Variants in TAMM41 observed in about 807,000 individuals in gnomAD.
TAMM41 encodes the protein TAM41 mitochondrial translocator assembly and maintenance homolog, also known as phosphatidate cytidylyltransferase, mitochondrial.
In TAMM41, 36 loss-of-function variants were observed where a neutral mutation model predicts 44.1. That is an observed-to-expected ratio of 0.82 (90% CI 0.63 to 1.08). TAMM41 has a LOEUF of 1.08. Among genes scored for constraint, TAMM41 ranks in the 50% least tolerant of loss-of-function variants. The pLI, the probability that TAMM41 is intolerant of heterozygous loss-of-function variation, is 0.00. For synonymous variants in TAMM41, 164 were observed against 153.1 expected (o/e 1.07, Z -0.53); for missense variants, 417 against 404.3 (o/e 1.03, Z -0.27).
chr3:11,823,646 T>C (rs2078618515), intron 4 of TAMM41, among the ~76,000 whole-genome samples: 2 of 150,380 alleles, frequency 1.3e-5, no homozygotes, highest in African/African-American at 2.4e-5. Flanking sequence ...TCCATTTTGT[T>C]AGCTGCCTTT....
intron 7 of TAMM41, among the ~76,000 whole-genome samples, chr3:11,803,499 A>C (rs900828704): frequency 1.3e-5 from 2 of 152,216 alleles, no homozygotes; most frequent in African/African-American, 4.8e-5. Context: ...TATGGGAAAC[A>C]GTATGGAGAT....
intron 6 of TAMM41, 23 bp downstream of exon 6, chr3:11,809,494 C>T (rs539502879): frequency 1.2e-6 from 2 of 1,611,290 alleles, no homozygotes; most frequent in African/African-American, 2.7e-5. Context: ...GGCATTTCCT[C>T]AACATCAAAT....
At chr3:11,752,796 A>G in the TAMM41 span, among the ~76,000 whole-genome samples, 1 of 151,810 alleles carries the variant, frequency 6.6e-6, no homozygotes, top group African/African-American at 2.4e-5. Flanking sequence ...CTATAGGCGC[A>G]TGCCACCATG....
intron 4 of TAMM41, among the ~76,000 whole-genome samples, chr3:11,818,894 T>G (rs1437795457): frequency 3.1e-5 from 4 of 128,880 alleles, no homozygotes; most frequent in African/African-American, 1.4e-4. Context: ...CAAGACTCCA[T>G]CTCAAAAAAA....
At position 11,833,918 on chromosome 3, in the gene TAMM41, T is replaced by C. The variant is rs527256414; in HGVS notation, c.412-4054A>G. Among the ~76,000 whole-genome samples the C allele has an allele frequency of 2.0e-5, 3 of 152,282 alleles. No individual in the cohort carries two copies. The East Asian group carries it at 5.8e-4, about 29-fold the overall frequency. The stretch of plus-strand genomic sequence containing the variant: ...GTACTCTTTAAATGGTTGAGCTGTG[T>C]GGTATGCGAATTTTATCTCAATAAA... On this transcript the variant is annotated intron_variant, in intron 3 of 7. Coordinates refer to ENST00000455809, the MANE Select transcript of TAMM41 (RefSeq NM_001284401.2).
chr3:11,798,641 C>T (rs1199305677), intron 7 of TAMM41, among the ~76,000 whole-genome samples: 1 of 151,940 alleles, frequency 6.6e-6, no homozygotes, highest in Non-Finnish European at 1.5e-5. Flanking sequence ...GCACATGTAC[C>T]CCAAACTTAA....
chr3:11,817,955 A>G (rs772111744), intron 4 of TAMM41, among the ~76,000 whole-genome samples: 1 of 152,244 alleles, frequency 6.6e-6, no homozygotes, highest in Non-Finnish European at 1.5e-5. Flanking sequence ...GAGCTGAAAA[A>G]CACCTAATTC....
the TAMM41 span, among the ~76,000 whole-genome samples, chr3:11,755,597 G>A: frequency 6.6e-6 from 1 of 152,152 alleles, no homozygotes; most frequent in Non-Finnish European, 1.5e-5. Flanking sequence ...GGGCGGGGAT[G>A]TCCAGCTTGA....
intron 3 of TAMM41, among the ~76,000 whole-genome samples, chr3:11,838,403 A>G (rs1383707360): frequency 2.0e-5 from 3 of 152,132 alleles, no homozygotes; most frequent in African/African-American, 7.2e-5. Context: ...TTTTTAGTAG[A>G]GACGGGGTTT....
At chr3:11,749,689 C>T in the TAMM41 span, among the ~76,000 whole-genome samples, 2 of 152,156 alleles carry the variant, frequency 1.3e-5, no homozygotes, top group Non-Finnish European at 2.9e-5. Flanking sequence ...AGATGCAGGA[C>T]ACCCAGATAT....
the TAMM41 span, among the ~76,000 whole-genome samples, chr3:11,742,113 T>G: frequency 2.0e-5 from 3 of 150,158 alleles, no homozygotes; most frequent in Non-Finnish European, 4.4e-5. Context: ...TAAGAGTGCA[T>G]GTGTGTATTT....
rs1425606493 is a variant in TAMM41, at chr3:11,846,694, A to C, written c.-58T>G. The C allele has an allele frequency of 6.2e-7, 1 of 1,610,672 alleles. No homozygotes were observed. The highest frequency in any genetic ancestry group is 1.3e-5 in the African/African-American group (1 of 74,870). On this transcript the variant is annotated 5_prime_UTR_variant, in exon 1 of 8. Transcript: ENST00000455809. ...GCAGGGCGAGGACAACCGGGCGGGG[A>C]ACAGACACCGGGTAGGCGGTTTAGG...
intron 3 of TAMM41, 121 bp from the exon 4 acceptor site, chr3:11,829,985 T>C (rs2078917805): frequency 1.1e-6 from 1 of 930,972 alleles, no homozygotes; most frequent in Non-Finnish European, 1.6e-6. Context: ...GGAATACTGG[T>C]TCAGGTGACA....
intron 6 of TAMM41, chr3:11,808,114 C>T: frequency 3.7e-6 from 4 of 1,071,492 alleles, no homozygotes; most frequent in Non-Finnish European, 3.8e-6. Flanking sequence ...CTGTGTGAGT[C>T]CAAGCCGATG....
chr3:11,742,390 A>G, the TAMM41 span, among the ~76,000 whole-genome samples: 1 of 150,240 alleles, frequency 6.7e-6, no homozygotes. Context: ...TTCCTTGAAG[A>G]TTCATCCCAG....
chr3:11,759,835 G>A, the TAMM41 span, among the ~76,000 whole-genome samples: 5 of 152,070 alleles, frequency 3.3e-5, no homozygotes, highest in South Asian at 2.1e-4. Flanking sequence ...TTAGCTGGGC[G>A]TGGTGGCACG....
At chr3:11,842,223 A>G (rs2079477812) in intron 2 of TAMM41, among the ~76,000 whole-genome samples, 1 of 151,908 alleles carries the variant, frequency 6.6e-6, no homozygotes. Flanking sequence ...ACCCCACTCT[A>G]CTAAAAACAC....
At chr3:11,740,726 C>T in the TAMM41 span, among the ~76,000 whole-genome samples, 88 of 151,882 alleles carry the variant, frequency 5.8e-4, 1 homozygote, top group South Asian at 8.3e-3. Flanking sequence ...CCACCGCGCC[C>T]GGCTGATTTT....
chr3:11,772,450 G>A, the TAMM41 span, among the ~76,000 whole-genome samples: 1 of 152,030 alleles, frequency 6.6e-6, no homozygotes, highest in Non-Finnish European at 1.5e-5. Flanking sequence ...GACAACAAGC[G>A]GTATCTAGCT....
Sources: allele counts gnomAD v4.1 joint callset (sites outside exome capture counted in the v4.1 genomes callset), GRCh38; gene constraint gnomAD v4.1.1; transcripts MANE v1.5; gene names NCBI Gene and HGNC (gene_info 2026-07-23, HGNC 2026-07-21).